HMGB1: variants seen among roughly 807,000 people sequenced by gnomAD.
The protein encoded by HMGB1 is high mobility group box 1, also known as high mobility group protein B1.
For synonymous variants in HMGB1, 81 were observed against 84.0 expected, an observed-to-expected ratio of 0.96 and a Z score of 0.19; for missense variants, 79 against 253.5, an observed-to-expected ratio of 0.31 and a Z score of 4.67.
At chr13:30,497,289 C>A (rs974551177) in intron 1 of HMGB1, among the ~76,000 whole-genome samples, 1 of 152,022 alleles carries the variant, frequency 6.6e-6, no homozygotes, top group African/African-American at 2.4e-5. Flanking sequence ...TACAGTGGTG[C>A]GATCTCGGCT....
chr13:30,505,947 A>T (rs1297173737), intron 1 of HMGB1, among the ~76,000 whole-genome samples: 2 of 150,486 alleles, frequency 1.3e-5, no homozygotes, highest in Non-Finnish European at 3.0e-5. Context: ...CTGGTCTTGA[A>T]CCCCTGGCGT....
At chr13:30,615,293 C>G (rs538222526) in intron 1 of HMGB1, among the ~76,000 whole-genome samples, 17 of 152,104 alleles carry the variant, frequency 1.1e-4, no homozygotes, top group African/African-American at 3.4e-4. Context: ...AGCGTGTTGC[C>G]AAAAATATGA....
In HMGB1 at chr13:30,521,773, C is replaced by T. The variant is rs113838674; in HGVS notation, c.-14-58079G>A. Among the ~76,000 whole-genome samples, 779 of 152,282 alleles carry T rather than the reference C, an allele frequency of 5.1e-3. 9 individuals carry two copies. Among genetic ancestry groups the T allele is most frequent in the African/African-American group, 0.017 (714 of 41,556 alleles). The stretch of plus-strand genomic sequence containing the variant: ...GGATCACAGGATAAGTCAATATTTA[C>T]CTGTTTGAAGAACAGCCACCTTGTA... On this transcript the variant is annotated intron_variant, in intron 1 of 4. Transcript: ENST00000405805.
rs1381708940 is a variant in HMGB1, at chr13:30,605,091, G to A, written c.-15+11580C>T. On this transcript the variant is annotated intron_variant, in intron 1 of 4. Transcript: ENST00000405805. ...AACGACGTTCCTCATACGGAGATGAGGAAGAATGTGGAATAGCAGGTAAAT... is the reference window on the plus strand; with the variant it reads ...AACGACGTTCCTCATACGGAGATGAAGAAGAATGTGGAATAGCAGGTAAAT... Among the ~76,000 whole-genome samples, 6 of 152,336 alleles carry A rather than the reference G, an allele frequency of 3.9e-5. No homozygotes were observed. In the East Asian group the frequency reaches 5.8e-4, roughly 15 times the overall value.
Position 30,496,678 on chromosome 13 carries a change from TCAAA to T in HMGB1, c.-14-32988_-14-32985del, listed in dbSNP as rs1389121018. Among the ~76,000 whole-genome samples the T allele has an allele frequency of 9.8e-5, 15 of 152,364 alleles. No homozygotes were observed. In the East Asian group the frequency reaches 2.9e-3, roughly 29 times the overall value. ...GTGTTGCATCTTTGTTGTTGGCTTT[TCAAA>T]AGTAAAATGCAGTATCTTTAATGGG... On this transcript the variant is annotated intron_variant, in intron 1 of 4. Transcript: ENST00000405805.
At chr13:30,557,784 T>C (rs1219460576) in intron 1 of HMGB1, among the ~76,000 whole-genome samples, 1 of 152,258 alleles carries the variant, frequency 6.6e-6, no homozygotes, top group Non-Finnish European at 1.5e-5. Context: ...TGAATAGCTC[T>C]AGTTCTCACC....
At chr13:30,502,384 T>C (rs952780043) in intron 1 of HMGB1, among the ~76,000 whole-genome samples, 1 of 152,144 alleles carries the variant, frequency 6.6e-6, no homozygotes, top group African/African-American at 2.4e-5. Flanking sequence ...ATAAAAAAAA[T>C]CAAACTTGTT....
intron 1 of HMGB1, among the ~76,000 whole-genome samples, chr13:30,572,389 G>A (rs1212064004): frequency 1.3e-5 from 2 of 152,282 alleles, no homozygotes; most frequent in African/African-American, 4.8e-5. Context: ...TCATTTTGTT[G>A]ATAGAAGCTG....
chr13:30,475,893 G>A (rs540677303), intron 1 of HMGB1, among the ~76,000 whole-genome samples: 4 of 152,098 alleles, frequency 2.6e-5, no homozygotes, highest in Non-Finnish European at 5.9e-5. Context: ...CACAGTCCCC[G>A]CCATTCCCTA....
chr13:30,523,113 T>A (rs889823133), intron 1 of HMGB1, among the ~76,000 whole-genome samples: 1 of 152,240 alleles, frequency 6.6e-6, no homozygotes, highest in African/African-American at 2.4e-5. Context: ...CTTGTAGTTA[T>A]AACATTGGGG....
At chr13:30,574,029 A>G (rs1870544583) in intron 1 of HMGB1, among the ~76,000 whole-genome samples, 1 of 152,312 alleles carries the variant, frequency 6.6e-6, no homozygotes, top group South Asian at 2.1e-4. Flanking sequence ...ACTATCAGAC[A>G]TGCAAGCTGG....
chr13:30,543,633 C>A (rs1334785631), intron 1 of HMGB1, among the ~76,000 whole-genome samples: 1 of 152,154 alleles, frequency 6.6e-6, no homozygotes, highest in Non-Finnish European at 1.5e-5. Context: ...CCCTTCAGGG[C>A]AGCACCTGAA....
In HMGB1 at chr13:30,556,042, G is replaced by A. The variant is rs533460740; in HGVS notation, c.-15+60629C>T. On this transcript the variant is annotated intron_variant, in intron 1 of 4. Transcript: ENST00000405805. ...AAAGATGTCAGAAAAATCAGCTTTT[G>A]GAAGCTGCTGCCACAATTGTCAATA... Among the ~76,000 whole-genome samples, 33 of 152,308 alleles carry A rather than the reference G, an allele frequency of 2.2e-4. No individual in the cohort carries two copies. The East Asian group carries it at 4.8e-3, about 22-fold the overall frequency.
chr13:30,616,144 A>C (rs1288210032), intron 1 of HMGB1, among the ~76,000 whole-genome samples: 1 of 152,214 alleles, frequency 6.6e-6, no homozygotes, highest in Non-Finnish European at 1.5e-5. Context: ...TCCTGTACCA[A>C]AGTTCTTCCC....
chr13:30,537,863 T>C (rs987152054), intron 1 of HMGB1, among the ~76,000 whole-genome samples: 2 of 151,980 alleles, frequency 1.3e-5, no homozygotes, highest in Non-Finnish European at 2.9e-5. Flanking sequence ...GAATTCTTCC[T>C]TCAGTTTGGT....
intron 1 of HMGB1, chr13:30,554,811 A>G: frequency 1.3e-6 from 1 of 761,298 alleles, no homozygotes; most frequent in Non-Finnish European, 2.4e-6. Flanking sequence ...GCCAAGATAG[A>G]CACCTAATAT....
intron 1 of HMGB1, among the ~76,000 whole-genome samples, chr13:30,609,930 T>C (rs1950497973): frequency 6.6e-6 from 1 of 152,220 alleles, no homozygotes; most frequent in African/African-American, 2.4e-5. Context: ...TTCGTTCCTT[T>C]GTATGGATGA....
At chr13:30,498,640 T>C (rs1490012463) in intron 1 of HMGB1, among the ~76,000 whole-genome samples, 1 of 148,604 alleles carries the variant, frequency 6.7e-6, no homozygotes, top group African/African-American at 2.5e-5. Flanking sequence ...ATTATTATTA[T>C]TATTATTATT....
At chr13:30,504,383 C>G (rs544646523) in intron 1 of HMGB1, among the ~76,000 whole-genome samples, 1 of 152,302 alleles carries the variant, frequency 6.6e-6, no homozygotes, top group South Asian at 2.1e-4. Context: ...TTGTTTTTCA[C>G]GCTTAATATT....
Sources: gnomAD v4.1 joint callset for allele counts (sites outside exome capture counted in the v4.1 genomes callset) on GRCh38, gnomAD v4.1.1 for gene constraint, MANE v1.5 for transcripts, NCBI Gene and HGNC (gene_info 2026-07-23, HGNC 2026-07-21) for gene names.